The following CPAMD8 variants were observed in gnomAD, a reference collection of about 807,000 sequenced individuals.
CPAMD8 encodes the protein C3 and PZP like alpha-2-macroglobulin domain containing 8, also known as C3 and PZP-like alpha-2-macroglobulin domain-containing protein 8.
CPAMD8 carries 146 observed loss-of-function variants against 224.7 expected under a neutral mutation model. The observed-to-expected ratio is 0.65, with a 90% CI of 0.57 to 0.75. The LOEUF (loss-of-function observed/expected upper bound fraction) is 0.75. CPAMD8 is among the 30% of genes least tolerant of loss of function. The probability of loss-of-function intolerance (pLI) is 0.00; values close to 1 mark genes in which losing one functional copy is unlikely to be tolerated. For synonymous variants in CPAMD8, 966 were observed against 1,044.6 expected (o/e 0.92, Z 1.45); for missense variants, 2,301 against 2,537.5 (o/e 0.91, Z 2.00).
intron 30 of CPAMD8, among the ~76,000 whole-genome samples, chr19:16,905,569 G>GAAAAAAAAAAAAAAAAAAGAAAAAAAA (rs397955787): frequency 2.2e-5 from 2 of 92,702 alleles, no homozygotes; most frequent in African/African-American, 4.0e-5. Flanking sequence ...AGGAAGAAAA[G>GAAAAAAAAAAAAAAAAAAGAAAAAAAA]AAAAAAAAAA....
chr19:16,912,278 G>A (rs531079987), intron 29 of CPAMD8, among the ~76,000 whole-genome samples: 1 of 152,338 alleles, frequency 6.6e-6, no homozygotes, highest in African/African-American at 2.4e-5. Flanking sequence ...GCTGATCTAA[G>A]AGACCAGAAC....
At chr19:16,897,379 T>C (rs1335193370) in intron 39 of CPAMD8, 2 of 285,436 alleles carry the variant, frequency 7.0e-6, no homozygotes, top group Admixed American at 6.1e-5. Flanking sequence ...CCTCAACCCA[T>C]TGCGCCCAGT....
At chr19:16,958,964 T>C (rs2054562303) in intron 18 of CPAMD8, among the ~76,000 whole-genome samples, 1 of 151,676 alleles carries the variant, frequency 6.6e-6, no homozygotes, top group African/African-American at 2.4e-5. Context: ...TACACCCAGC[T>C]AATTTTGTAT....
At chr19:16,949,862 C>T (rs1245722579) in intron 20 of CPAMD8, among the ~76,000 whole-genome samples, 6 of 152,308 alleles carry the variant, frequency 3.9e-5, no homozygotes, top group Admixed American at 1.3e-4. Context: ...TCCCGGCACC[C>T]GTAGACATTG....
At chr19:16,924,203 A>G (rs1279243530) in intron 26 of CPAMD8, among the ~76,000 whole-genome samples, 1 of 149,796 alleles carries the variant, frequency 6.7e-6, no homozygotes, top group East Asian at 2.0e-4. Context: ...GTTCTAAGCC[A>G]CCCGGTTTGT....
At chr19:16,960,189 A>C (rs558444320) in intron 18 of CPAMD8, among the ~76,000 whole-genome samples, 1 of 151,630 alleles carries the variant, frequency 6.6e-6, no homozygotes, top group East Asian at 1.9e-4. Flanking sequence ...ACCCTCCTCA[A>C]AGGCTGCTCC....
Position 17,011,623 on chromosome 19 carries a change from C to T in CPAMD8, c.402G>A (p.Thr134=), listed in dbSNP as rs747021050. Residue 134 remains threonine (T), a synonymous_variant, in exon 4 of 42, where the codon ACG becomes ACA. Transcript: ENST00000443236. ...DGRGASVFIQ[T]DKPVYRPQHR... ...GCTGGGGTCTGTACACAGGCTTGTC[C>T]GTCTGGATGAATACAGAAGCGCCCC... 66 of 1,614,062 alleles carry T rather than the reference C, an allele frequency of 4.1e-5. No homozygotes were observed. The South Asian group carries it at 5.2e-4, about 13-fold the overall frequency.
intron 27 of CPAMD8, among the ~76,000 whole-genome samples, chr19:16,921,228 G>C (rs1175661796): frequency 6.6e-6 from 1 of 152,144 alleles, no homozygotes; most frequent in South Asian, 2.1e-4. Flanking sequence ...CTGTGCAGTG[G>C]ACACTCTGTT....
chr19:16,983,415 TAAA>T (rs1296473105), intron 13 of CPAMD8, among the ~76,000 whole-genome samples: 1 of 151,820 alleles, frequency 6.6e-6, no homozygotes, highest in East Asian at 1.9e-4. Context: ...AATAAATAAA[TAAA>T]TAAATAAATA....
chr19:16,936,626 C>T (rs778043702), intron 23 of CPAMD8, among the ~76,000 whole-genome samples: 4 of 151,542 alleles, frequency 2.6e-5, no homozygotes, highest in Non-Finnish European at 4.4e-5. Context: ...AGGCTGGTCT[C>T]GAACTCTTGA....
chr19:16,979,845 G>A (rs9305085), intron 14 of CPAMD8, among the ~76,000 whole-genome samples: 72,238 of 151,976 alleles, frequency 0.48, 19,912 homozygotes, highest in African/African-American at 0.77. Flanking sequence ...CCATCATTCT[G>A]TCTATCTACC....
intron 23 of CPAMD8, among the ~76,000 whole-genome samples, chr19:16,933,403 C>A (rs1218270555): frequency 6.6e-6 from 1 of 152,078 alleles, no homozygotes; most frequent in Admixed American, 6.5e-5. Context: ...AGGTAAGCCA[C>A]GGTCTGGGAG....
In CPAMD8 at chr19:16,952,087, G is replaced by C. The variant is rs1680052188; in HGVS notation, c.2390C>G (p.Ser797Cys). 2 of 1,561,696 alleles carry C rather than the reference G, an allele frequency of 1.3e-6. No homozygotes were observed. Among genetic ancestry groups the C allele is most frequent in the Non-Finnish European group, 8.7e-7 (1 of 1,151,572 alleles). Residue 797 changes from serine (S) to cysteine (C), a missense_variant, in exon 20 of 42, where the codon TCC becomes TGC. Physicochemically the swap from Ser to Cys is moderately radical, Grantham distance 112 (BLOSUM62 -1). Transcript: ENST00000443236. ...TSQGLGIAEPSLLKTFKPFFV... is the reference protein window; with the variant it reads ...TSQGLGIAEPCLLKTFKPFFV... ...GAAGGGCTTGAAGGTCTTCAGCAGG[G>C]AGGGCTCGGCGATGCCTAAGCCCTG...
At chr19:16,922,723 C>T (rs2053224149) in intron 26 of CPAMD8, among the ~76,000 whole-genome samples, 1 of 151,872 alleles carries the variant, frequency 6.6e-6, no homozygotes, top group Non-Finnish European at 1.5e-5. Flanking sequence ...CTGCTCCACA[C>T]ATCTGGGGTT....
At chr19:16,989,212 C>T (rs891457748) in intron 13 of CPAMD8, among the ~76,000 whole-genome samples, 13 of 152,134 alleles carry the variant, frequency 8.5e-5, no homozygotes, top group African/African-American at 2.2e-4. Context: ...CCCGTGCCCC[C>T]GTCTGTGGAA....
At chr19:16,907,236 G>C (rs2052556185) in intron 29 of CPAMD8, 119 bp from the exon 30 acceptor site, 5 of 1,230,034 alleles carry the variant, frequency 4.1e-6, no homozygotes, top group Non-Finnish European at 5.1e-6. Flanking sequence ...CCCTTGCTTT[G>C]CATCCTTCTG....
chr19:16,921,884 C>T (rs1324928191), intron 27 of CPAMD8, 21 bp downstream of exon 27: 20 of 1,518,870 alleles, frequency 1.3e-5, no homozygotes, highest in Non-Finnish European at 1.7e-5. Context: ...AGAGGCAATG[C>T]CCAGGGCGGT....
intron 18 of CPAMD8, among the ~76,000 whole-genome samples, chr19:16,968,957 G>A (rs921296981): frequency 2.6e-5 from 4 of 152,176 alleles, no homozygotes; most frequent in African/African-American, 9.7e-5. Flanking sequence ...TATTTAAGAT[G>A]AGAAAGACTG....
At chr19:16,905,569 G>GAAAAAAAAAAAAAAAAAAAAAAAAAAAA (rs397955787) in intron 30 of CPAMD8, among the ~76,000 whole-genome samples, 1 of 92,702 alleles carries the variant, frequency 1.1e-5, no homozygotes, top group Admixed American at 1.2e-4. Context: ...AGGAAGAAAA[G>GAAAAAAAAAAAAAAAAAAAAAAAAAAAA]AAAAAAAAAA....
Sources: gnomAD v4.1 joint callset for allele counts (sites outside exome capture counted in the v4.1 genomes callset) on GRCh38, gnomAD v4.1.1 for gene constraint, MANE v1.5 for transcripts, NCBI Gene and HGNC (gene_info 2026-07-23, HGNC 2026-07-21) for gene names.